Variants in TAB2 observed in about 807,000 individuals in gnomAD.
The protein encoded by TAB2 is TGF-beta activated kinase 1 (MAP3K7) binding protein 2.
TAB2 carries 3 observed loss-of-function variants against 65.0 expected under a neutral mutation model. That is an observed-to-expected ratio of 0.05 (90% CI 0.02 to 0.12). The LOEUF (loss-of-function observed/expected upper bound fraction) is 0.12. Among genes scored for constraint, TAB2 ranks in the 10% least tolerant of loss-of-function variants. TAB2 has a pLI of 1.00. For missense variants in TAB2, 623 were observed against 840.3 expected (o/e 0.74, Z 3.20); for synonymous variants, 298 against 285.1 (o/e 1.05, Z -0.46).
intron 1 of TAB2, among the ~76,000 whole-genome samples, chr6:149,289,190 A>G (rs1363101861): frequency 2.6e-5 from 4 of 152,066 alleles, no homozygotes; most frequent in Non-Finnish European, 5.9e-5. Flanking sequence ...TAGATCATGT[A>G]TCTGCTCAAA....
chr6:149,281,195 G>T (rs1469857122), intron 1 of TAB2, among the ~76,000 whole-genome samples: 1 of 151,972 alleles, frequency 6.6e-6, no homozygotes, highest in Non-Finnish European at 1.5e-5. Context: ...AAAAATATTT[G>T]AAGAGTCATG....
chr6:149,334,191 G>A (rs1322326556), intron 1 of TAB2, among the ~76,000 whole-genome samples: 1 of 151,986 alleles, frequency 6.6e-6, no homozygotes, highest in African/African-American at 2.4e-5. Flanking sequence ...TGATTTTTCT[G>A]ACTTATTCTA....
intron 6 of TAB2, among the ~76,000 whole-genome samples, chr6:149,404,527 T>G (rs1008115384): frequency 1.3e-5 from 2 of 152,190 alleles, no homozygotes; most frequent in African/African-American, 4.8e-5. Context: ...ATTCCCTGAT[T>G]TTTAAAAATA....
intron 1 of TAB2, chr6:149,243,542 A>G (rs1433521935): frequency 6.6e-6 from 1 of 152,228 alleles, no homozygotes; most frequent in Non-Finnish European, 1.5e-5. Context: ...TCCATAACCT[A>G]AAACACAGGA....
At chr6:149,381,743 T>C (rs112036787) in intron 3 of TAB2, among the ~76,000 whole-genome samples, 4,400 of 151,854 alleles carry the variant, frequency 0.029, 105 homozygotes, top group Middle Eastern at 0.11. Flanking sequence ...CAGCTAACTT[T>C]TTGTATTTTT....
At chr6:149,404,840 T>C (rs1782610282) in intron 6 of TAB2, among the ~76,000 whole-genome samples, 1 of 152,196 alleles carries the variant, frequency 6.6e-6, no homozygotes, top group African/African-American at 2.4e-5. Context: ...GAAAAGCTTC[T>C]TGACCTGGTC....
chr6:149,275,229 A>AGAGG (rs1778439043), intron 1 of TAB2, among the ~76,000 whole-genome samples: 1 of 108,968 alleles, frequency 9.2e-6, no homozygotes, highest in Admixed American at 1.2e-4. Flanking sequence ...GAGGGGGGAG[A>AGAGG]GAGAGAGAAA....
intron 1 of TAB2, among the ~76,000 whole-genome samples, chr6:149,357,430 A>AAAAAAAAACAAACACACACACAC: frequency 9.0e-6 from 1 of 111,146 alleles, no homozygotes; most frequent in Non-Finnish European, 1.8e-5. Context: ...AGAAAAAAAA[A>AAAAAAAAACAAACACACACACAC]ACACACACAC....
intron 1 of TAB2, among the ~76,000 whole-genome samples, chr6:149,367,550 T>C (rs1583129410): frequency 6.6e-6 from 1 of 152,196 alleles, no homozygotes; most frequent in Non-Finnish European, 1.5e-5. Context: ...AAGTGATGAC[T>C]CTGATTTACT....
At chr6:149,376,789 A>G (rs1053476210) in intron 2 of TAB2, among the ~76,000 whole-genome samples, 1 of 152,146 alleles carries the variant, frequency 6.6e-6, no homozygotes, top group African/African-American at 2.4e-5. Flanking sequence ...TCACAGTGCT[A>G]TGCATATAGT....
intron 1 of TAB2, among the ~76,000 whole-genome samples, chr6:149,264,003 G>A (rs12190668): frequency 0.02 from 3,016 of 152,290 alleles, 53 homozygotes; most frequent in Middle Eastern, 0.031. Flanking sequence ...AAGTGAATGC[G>A]TCTCAGTTTA....
chr6:149,334,477 G>C (rs117680675), intron 1 of TAB2, among the ~76,000 whole-genome samples: 2,380 of 152,106 alleles, frequency 0.016, 51 homozygotes, highest in South Asian at 0.096. Context: ...CCAGGAGTTT[G>C]AGACCAGCCT....
At chr6:149,227,931 G>A (rs1777318162) in intron 1 of TAB2, among the ~76,000 whole-genome samples, 1 of 152,074 alleles carries the variant, frequency 6.6e-6, no homozygotes, top group Non-Finnish European at 1.5e-5. Context: ...TGCTAACATA[G>A]TTGGGGCAAG....
At chr6:149,298,732 C>G (rs1194167624) in intron 1 of TAB2, among the ~76,000 whole-genome samples, 1 of 143,030 alleles carries the variant, frequency 7.0e-6, no homozygotes, top group Non-Finnish European at 1.5e-5. Flanking sequence ...TTTATTCTAA[C>G]AAAGAATTAG....
intron 3 of TAB2, among the ~76,000 whole-genome samples, chr6:149,390,248 G>C (rs909946771): frequency 2.0e-5 from 3 of 152,162 alleles, no homozygotes; most frequent in African/African-American, 7.2e-5. Flanking sequence ...ACTTAAGTAT[G>C]ACTTAGGCTT....
upstream of TAB2, chr6:149,317,445 T>TC: frequency 5.8e-6 from 1 of 171,328 alleles, no homozygotes; most frequent in South Asian, 1.2e-4. This position sits in a 1 kb window ranked among gnomAD's most constrained non-coding sequence, Gnocchi z 4.7. Flanking sequence ...CGCCTGCTGC[T>TC]CCCCCGCCGT....
chr6:149,247,902 G>T (rs11963667), intron 1 of TAB2: 32,362 of 152,028 alleles, frequency 0.21, 3,776 homozygotes, highest in East Asian at 0.33. Flanking sequence ...ACACACGAGG[G>T]CCTGTTGAGG....
At chr6:149,408,283 T>C (rs1244372903) in intron 6 of TAB2, among the ~76,000 whole-genome samples, 4 of 152,196 alleles carry the variant, frequency 2.6e-5, no homozygotes, top group East Asian at 1.9e-4. Flanking sequence ...TTTAAAATTA[T>C]TCAGTTTGGG....
At chr6:149,349,669 T>C (rs1780427067) in intron 1 of TAB2, among the ~76,000 whole-genome samples, 1 of 152,160 alleles carries the variant, frequency 6.6e-6, no homozygotes. Flanking sequence ...TTCTCTCATA[T>C]CAATTGTGAT....
Sources: gnomAD v4.1 joint callset for allele counts (sites outside exome capture counted in the v4.1 genomes callset) on GRCh38, gnomAD v4.1.1 for gene constraint, Gnocchi (gnomAD v3.1) non-coding constraint, MANE v1.5 for transcripts, NCBI Gene and HGNC (gene_info 2026-07-23, HGNC 2026-07-21) for gene names.